The following PPIP5K2 variants were observed in gnomAD, a reference collection of about 807,000 sequenced individuals.
PPIP5K2 encodes diphosphoinositol pentakisphosphate kinase 2, also known as inositol hexakisphosphate and diphosphoinositol-pentakisphosphate kinase 2.
PPIP5K2 carries 105 observed loss-of-function variants against 154.6 expected under a neutral mutation model. The observed-to-expected ratio is 0.68, with a 90% CI of 0.58 to 0.80. The LOEUF is 0.80. PPIP5K2 is among the 30% of genes least tolerant of loss of function. The probability of loss-of-function intolerance (pLI) is 0.00; values close to 1 mark genes in which losing one functional copy is unlikely to be tolerated. For missense variants in PPIP5K2, 992 were observed against 1,504.6 expected (o/e 0.66, Z 5.64); for synonymous variants, 480 against 490.3 (o/e 0.98, Z 0.28).
chr5:103,150,221 A>G (rs1041423305), intron 8 of PPIP5K2, among the ~76,000 whole-genome samples: 7 of 152,190 alleles, frequency 4.6e-5, no homozygotes, highest in Non-Finnish European at 1.0e-4. Flanking sequence ...AATAATTTGA[A>G]GTGTCTTTCA....
chr5:103,190,975 T>C lies in PPIP5K2; in HGVS notation c.3486T>C (p.Ala1162=), dbSNP rs1554226767. Residue 1162 remains alanine, a synonymous_variant, in exon 29 of 31, where the codon GCT becomes GCC. Coordinates refer to ENST00000358359, the MANE Select transcript of PPIP5K2 (RefSeq NM_001276277.3). The part of the protein sequence containing the change: ...SPSSDVPRKT[A]EISSTALRSS... ...CATCTGACGTTCCACGGAAGACCGC[T>C]GAAATTTGTAGGAAATTTTTCTTTC... The C allele has an allele frequency of 6.2e-7, 1 of 1,603,632 alleles. No homozygotes were observed. Among genetic ancestry groups the C allele is most frequent in the Non-Finnish European group, 8.5e-7 (1 of 1,176,508 alleles).
Position 103,129,650 on chromosome 5 carries a change from T to C in PPIP5K2, c.61T>C (p.Tyr21His). The change falls in exon 2 of 31, where the codon TAT becomes CAT. Residue 21 changes from tyrosine to histidine, a missense_variant. This residue lies in a region of PPIP5K2 where 153 missense variants were observed against 200.4 expected (regional missense o/e 0.76). Coordinates refer to ENST00000358359, the MANE Select transcript of PPIP5K2 (RefSeq NM_001276277.3). Reference protein sequence around the residue: ...PEDTEINPGNYRHFFHHADED... With the variant: ...PEDTEINPGNHRHFFHHADED... ...AGATACAGAAATAAATCCTGGAAAT[T>C]ATCGACATTTCTTCCACCATGCAGA... 6.2e-7 allele frequency: 1 copy of C among 1,609,666 alleles called. No individual in the cohort carries two copies.
chr5:103,131,474 C>T (rs1790597979), intron 2 of PPIP5K2, among the ~76,000 whole-genome samples: 1 of 151,996 alleles, frequency 6.6e-6, no homozygotes, highest in African/African-American at 2.4e-5. Context: ...TAATTGAATC[C>T]ATGGATGTAA....
In PPIP5K2 at chr5:103,206,651, T is replaced by C. The variant is rs989812340; in HGVS notation, c.*5017T>C. On this transcript the variant is annotated 3_prime_UTR_variant, in exon 31 of 31. Coordinates refer to ENST00000358359, the MANE Select transcript of PPIP5K2 (RefSeq NM_001276277.3). ...GTGAAGTGTTGAGAGTCAGTTAAGG[T>C]AAGTAGCTGAAATGAAAATAACAAT... 6.6e-6 allele frequency: 1 copy of C among 152,210 alleles called. No homozygotes were observed. The highest frequency in any genetic ancestry group is 1.9e-4 in the East Asian group (1 of 5,192). The allele number at this position is 152,210 out of a possible 1,614,324, so 9.4% of individuals were successfully genotyped here. A position where few individuals can be genotyped will look rare whatever the true frequency, so the allele number is the denominator to read the frequency against.
intron 17 of PPIP5K2, among the ~76,000 whole-genome samples, chr5:103,160,759 A>G (rs1243422383): frequency 6.6e-6 from 1 of 152,066 alleles, no homozygotes; most frequent in African/African-American, 2.4e-5. Context: ...CAATTTATAT[A>G]TGCTTTCTAT....
At chr5:103,150,324 A>G (rs1216849985) in intron 8 of PPIP5K2, among the ~76,000 whole-genome samples, 4 of 152,236 alleles carry the variant, frequency 2.6e-5, no homozygotes, top group Admixed American at 6.5e-5. Context: ...AAAAAATCAC[A>G]TTATACTAAT....
rs1207808605 is a variant in PPIP5K2 at position 103,212,563 on chromosome 5, T to C, written c.*10929T>C. 1.3e-5 allele frequency: 2 copies of C among 151,742 alleles called. No individual in the cohort carries two copies. Among genetic ancestry groups the C allele is most frequent in the East Asian group, 3.8e-4 (2 of 5,196 alleles). 9.4% of individuals were successfully genotyped at this position (151,742 alleles called of 1,614,324 possible). A position where few individuals can be genotyped will look rare whatever the true frequency, so the allele number is the denominator to read the frequency against. ...CTTTAATTTAGGGAACTTAAAGAAT[T>C]TCATAATATTGGAGTATAAACTGCT... is the stretch of plus-strand genomic sequence containing the variant. On this transcript the variant is annotated 3_prime_UTR_variant, in exon 31 of 31. Coordinates refer to ENST00000358359, the MANE Select transcript of PPIP5K2 (RefSeq NM_001276277.3).
At chr5:103,169,909 A>AG (rs147253791) in intron 19 of PPIP5K2, among the ~76,000 whole-genome samples, 4,280 of 151,754 alleles carry the variant, frequency 0.028, 93 homozygotes, top group Non-Finnish European at 0.035. Context: ...GCACTTTTCA[A>AG]GGTGGGCTGT....
intron 19 of PPIP5K2, among the ~76,000 whole-genome samples, chr5:103,172,170 CT>C (rs1396702285): frequency 6.6e-6 from 1 of 151,494 alleles, no homozygotes; most frequent in African/African-American, 2.4e-5. Flanking sequence ...CAACATTTTT[CT>C]TTTGTTTACA....
At chr5:103,194,774 C>T in intron 29 of PPIP5K2, 126 bp from the exon 30 acceptor site, 10 of 1,074,356 alleles carry the variant, frequency 9.3e-6, no homozygotes, top group Middle Eastern at 3.1e-4. Context: ...CTGAATTTAC[C>T]TTGACCATTT....
intron 18 of PPIP5K2, 93 bp downstream of exon 18, chr5:103,167,413 C>A (rs879974639): frequency 9.7e-6 from 11 of 1,129,864 alleles, no homozygotes; most frequent in East Asian, 7.9e-5. Flanking sequence ...TGTAAGAAAT[C>A]AAGCCTCTCT....
At position 103,137,587 on chromosome 5, in the gene PPIP5K2, A is replaced by G. The variant is rs1311975712; in HGVS notation, c.401+765A>G. Among the ~76,000 whole-genome samples the G allele has an allele frequency of 3.9e-5, 6 of 152,188 alleles. 1 individual carries two copies. The highest frequency in any genetic ancestry group is 8.8e-5 in the Non-Finnish European group (6 of 68,020). On this transcript the variant is annotated intron_variant, in intron 4 of 30. Coordinates refer to ENST00000358359, the MANE Select transcript of PPIP5K2 (RefSeq NM_001276277.3). The stretch of plus-strand genomic sequence containing the variant: ...TAAATTATAAAATATGAGTGTATTT[A>G]TGTATTTCATTCAATCAATGTTTCA...
chr5:103,168,248 G>T lies in PPIP5K2; in HGVS notation c.2239G>T (p.Glu747Ter). The change falls in exon 19 of 31, where the codon GAA (glutamate) becomes TAA (stop). Residue 747 changes from glutamate to a stop codon, truncating the protein, a stop_gained. Transcript: ENST00000358359. LOFTEE classifies it high-confidence loss of function. ...TTCCTTGAAATTAGAAAACACAATG[G>T]AATTATATAGGCTTTCGAAGGCATT... ...NGSLKLENTM[E>*]LYRLSKALAD... 6.2e-7 allele frequency: 1 copy of T among 1,609,500 alleles called. No homozygotes were observed. The highest frequency in any genetic ancestry group is 8.5e-7 in the Non-Finnish European group (1 of 1,176,780).
Position 103,202,214 on chromosome 5 carries a change from GTGT to G in PPIP5K2, c.*582_*584del, listed in dbSNP as rs1444052994. 6.6e-6 allele frequency: 1 copy of G among 152,476 alleles called. No homozygotes were observed. The highest frequency in any genetic ancestry group is 1.5e-5 in the Non-Finnish European group (1 of 68,014). 9.4% of individuals were successfully genotyped at this position (152,476 alleles called of 1,614,324 possible). ...TCTGTGTTTTGAATTTTTTTATTGTGTGTTATTTAAAATATTACATATGCAGCT... is the reference window on the plus strand; with the variant it reads ...TCTGTGTTTTGAATTTTTTTATTGTGTATTTAAAATATTACATATGCAGCT... On this transcript the variant is annotated 3_prime_UTR_variant, in exon 31 of 31. Transcript: ENST00000358359.
At chr5:103,168,977 G>T (rs782603051) in intron 19 of PPIP5K2, among the ~76,000 whole-genome samples, 1 of 151,440 alleles carries the variant, frequency 6.6e-6, no homozygotes, top group Non-Finnish European at 1.5e-5. Context: ...AAAGAATTAC[G>T]GTCTTATATA....
chr5:103,143,436 C>G (rs931059270), intron 5 of PPIP5K2, among the ~76,000 whole-genome samples: 25 of 152,294 alleles, frequency 1.6e-4, no homozygotes, highest in African/African-American at 6.0e-4. Flanking sequence ...ATCCTCCTGT[C>G]TCAGACTCCA....
intron 28 of PPIP5K2, among the ~76,000 whole-genome samples, chr5:103,187,578 C>T (rs1800596396): frequency 6.6e-6 from 1 of 152,064 alleles, no homozygotes; most frequent in Non-Finnish European, 1.5e-5. Flanking sequence ...AATAATTTAA[C>T]ATTACTCATC....
chr5:103,183,463 C>A, intron 25 of PPIP5K2, 56 bp downstream of exon 25: 1 of 1,466,678 alleles, frequency 6.8e-7, no homozygotes. Flanking sequence ...GAGCAACAAA[C>A]AGCTGTCTTT....
intron 17 of PPIP5K2, among the ~76,000 whole-genome samples, chr5:103,165,820 A>G (rs1223235027): frequency 2.0e-5 from 3 of 152,132 alleles, no homozygotes; most frequent in Non-Finnish European, 4.4e-5. Flanking sequence ...CCCTAATTGA[A>G]GAAGACCAAT....
Sources: allele counts gnomAD v4.1 joint callset (sites outside exome capture counted in the v4.1 genomes callset), GRCh38; gene constraint gnomAD v4.1.1; regional missense constraint gnomAD v4.1.1; transcripts MANE v1.5; gene names NCBI Gene and HGNC (gene_info 2026-07-23, HGNC 2026-07-21).